ANKS1B: variants seen among roughly 807,000 people sequenced by gnomAD.
ANKS1B encodes the protein ankyrin repeat and sterile alpha motif domain containing 1B.
Under a neutral mutation model 148.3 loss-of-function variants are expected in ANKS1B, and 36 were observed. The observed-to-expected ratio is 0.24, with a 90% CI of 0.19 to 0.32. The LOEUF (loss-of-function observed/expected upper bound fraction) is 0.32, where lower values mean the gene tolerates loss of function less well. Ranked by LOEUF, ANKS1B falls within the 10% of genes least tolerant of loss-of-function variation. The pLI is 1.00. For synonymous variants in ANKS1B, 542 were observed against 560.8 expected (o/e 0.97, Z 0.47); for missense variants, 1,157 against 1,542.6 (o/e 0.75, Z 4.19).
chr12:98,998,514 C>T (rs967970697), intron 17 of ANKS1B, among the ~76,000 whole-genome samples: 3 of 152,160 alleles, frequency 2.0e-5, no homozygotes, highest in Non-Finnish European at 2.9e-5. Context: ...CAACATATTT[C>T]TTCATTTGAA....
chr12:99,686,051 A>C (rs2098647925), intron 8 of ANKS1B, among the ~76,000 whole-genome samples: 1 of 152,088 alleles, frequency 6.6e-6, no homozygotes. Context: ...TGATAGGTGC[A>C]CCAAAATCTC....
downstream of ANKS1B, among the ~76,000 whole-genome samples, chr12:98,743,026 C>T (rs750260450): frequency 6.6e-6 from 1 of 152,190 alleles, no homozygotes; most frequent in Non-Finnish European, 1.5e-5. Flanking sequence ...AGTCTTCTTC[C>T]TACGGATTTC....
intron 12 of ANKS1B, among the ~76,000 whole-genome samples, chr12:99,394,609 G>A (rs2094185413): frequency 6.6e-6 from 1 of 151,974 alleles, no homozygotes; most frequent in African/African-American, 2.4e-5. Flanking sequence ...ATATTTGACA[G>A]AGTTGATCCC....
At chr12:99,764,765 A>G (rs758408828) in intron 8 of ANKS1B, among the ~76,000 whole-genome samples, 3 of 152,184 alleles carry the variant, frequency 2.0e-5, no homozygotes, top group Non-Finnish European at 2.9e-5. Context: ...CTAAGACATT[A>G]CTAGCAGATA....
Position 99,543,832 on chromosome 12 carries a change from TG to T in ANKS1B, c.1273-39192del, listed in dbSNP as rs1188871613. Among the ~76,000 whole-genome samples, 16 of 152,132 alleles carry T rather than the reference TG, an allele frequency of 1.1e-4. No individual in the cohort carries two copies. The East Asian group carries it at 3.1e-3, about 29-fold the overall frequency. The stretch of plus-strand genomic sequence containing the variant: ...TTGATAAAGGTGTATGCCAACTTAG[TG>T]GTAGAAAAAAGGAAGGCCAATATGG... On this transcript the variant is annotated intron_variant, in intron 9 of 26. Transcript: ENST00000683438.
At chr12:99,852,859 G>A (rs556859988) in intron 1 of ANKS1B, among the ~76,000 whole-genome samples, 19 of 152,296 alleles carry the variant, frequency 1.2e-4, no homozygotes, top group Middle Eastern at 3.4e-3. Context: ...AAATAAACTC[G>A]GTTCTATTGG....
chr12:99,506,741 C>A (rs915019031), intron 9 of ANKS1B, among the ~76,000 whole-genome samples: 2 of 151,812 alleles, frequency 1.3e-5, no homozygotes, highest in Non-Finnish European at 2.9e-5. Context: ...TGGCTCAATA[C>A]AAAAAATAAT....
chr12:99,633,132 C>A (rs1054617012), intron 9 of ANKS1B, among the ~76,000 whole-genome samples: 3 of 151,710 alleles, frequency 2.0e-5, no homozygotes, highest in African/African-American at 7.3e-5. Flanking sequence ...TGTATATGTG[C>A]CACATTTTCT....
chr12:99,213,774 C>A (rs1263663861), intron 14 of ANKS1B, among the ~76,000 whole-genome samples: 1 of 152,138 alleles, frequency 6.6e-6, no homozygotes, highest in Non-Finnish European at 1.5e-5. Context: ...GTGGTAGAAC[C>A]ATTATTTGCC....
rs539408483 is a variant in ANKS1B at position 99,397,726 on chromosome 12, T to C, written c.1756+1905A>G. 4.6e-5 allele frequency among the ~76,000 whole-genome samples: 7 copies of C among 152,258 alleles called. No homozygotes were observed. The East Asian group carries it at 9.6e-4, about 21-fold the overall frequency. ...CAGTCATGAGGTTTAAATGAATTGA[T>C]ATACATAAAATGCCTAAAACAGTTC... is the stretch of plus-strand genomic sequence containing the variant. On this transcript the variant is annotated intron_variant, in intron 12 of 26. Transcript: ENST00000683438.
At chr12:99,972,974 A>G (rs1330850965) in intron 1 of ANKS1B, among the ~76,000 whole-genome samples, 2 of 152,218 alleles carry the variant, frequency 1.3e-5, no homozygotes, top group African/African-American at 4.8e-5. Flanking sequence ...AAGTGGCACA[A>G]CAAAGCCTGG....
At chr12:98,908,416 A>T (rs1007230811) in intron 17 of ANKS1B, among the ~76,000 whole-genome samples, 2 of 152,098 alleles carry the variant, frequency 1.3e-5, no homozygotes, top group African/African-American at 4.8e-5. Context: ...ACAATATATC[A>T]TCCCATTTAA....
chr12:99,160,645 G>A (rs2076567717), intron 14 of ANKS1B, among the ~76,000 whole-genome samples: 1 of 152,008 alleles, frequency 6.6e-6, no homozygotes, highest in African/African-American at 2.4e-5. Context: ...ACCACGCCCA[G>A]CCTCTTCTAG....
chr12:98,953,024 ATTT>A (rs33916677), intron 17 of ANKS1B, among the ~76,000 whole-genome samples: 101 of 144,380 alleles, frequency 7.0e-4, no homozygotes, highest in Admixed American at 1.4e-3. Context: ...GCACTCAGCT[ATTT>A]TTTTTTTTTT....
chr12:99,286,669 AGAC>A (rs2079159365), intron 12 of ANKS1B, among the ~76,000 whole-genome samples: 1 of 152,106 alleles, frequency 6.6e-6, no homozygotes, highest in Non-Finnish European at 1.5e-5. Context: ...GCCAGAGTGA[AGAC>A]TACTGTTCCG....
intron 12 of ANKS1B, among the ~76,000 whole-genome samples, chr12:99,331,289 GAT>G (rs1304146468): frequency 6.6e-6 from 1 of 151,882 alleles, no homozygotes; most frequent in Non-Finnish European, 1.5e-5. Flanking sequence ...TATGGGGCTA[GAT>G]ATTACTGAAA....
chr12:99,645,736 G>A, intron 9 of ANKS1B, among the ~76,000 whole-genome samples: 1 of 152,056 alleles, frequency 6.6e-6, no homozygotes, highest in South Asian at 2.1e-4. Context: ...AAGTCTTGAG[G>A]CAAATGCTAA....
At chr12:99,821,687 T>C (rs1037562396) in intron 2 of ANKS1B, among the ~76,000 whole-genome samples, 2 of 152,004 alleles carry the variant, frequency 1.3e-5, no homozygotes, top group African/African-American at 4.8e-5. Flanking sequence ...ATGCCTCAAA[T>C]GAAAGGTCAG....
chr12:98,770,368 T>C (rs2098550380), intron 25 of ANKS1B, among the ~76,000 whole-genome samples: 4 of 152,188 alleles, frequency 2.6e-5, no homozygotes, highest in Admixed American at 6.5e-5. Flanking sequence ...AGGATGAAAT[T>C]TGACTGTATA....
Sources: gnomAD v4.1 joint callset for allele counts (sites outside exome capture counted in the v4.1 genomes callset) on GRCh38, gnomAD v4.1.1 for gene constraint, MANE v1.5 for transcripts, NCBI Gene and HGNC (gene_info 2026-07-23, HGNC 2026-07-21) for gene names.